Variants in OXR1 observed in about 807,000 individuals in gnomAD.
OXR1 encodes oxidation resistance protein 1.
In OXR1, 41 loss-of-function variants were observed where a neutral mutation model predicts 104.6. The observed-to-expected ratio is 0.39, with a 90% CI of 0.31 to 0.51. The LOEUF (loss-of-function observed/expected upper bound fraction) is 0.51, where lower values mean the gene tolerates loss of function less well. OXR1 is among the 20% of genes least tolerant of loss of function. The probability of loss-of-function intolerance (pLI) is 0.77; values close to 1 mark genes in which losing one functional copy is unlikely to be tolerated. For synonymous variants in OXR1, 348 were observed against 348.4 expected (o/e 1.00, Z 0.01); for missense variants, 955 against 1,031.9 (o/e 0.93, Z 1.02).
chr8:106,556,589 C>A (rs1008826166), intron 3 of OXR1, among the ~76,000 whole-genome samples: 2 of 152,094 alleles, frequency 1.3e-5, no homozygotes, highest in African/African-American at 4.8e-5. Flanking sequence ...ATAGAAAGAT[C>A]TAATTCACAA....
At chr8:106,682,627 G>A (rs1196485445) in intron 4 of OXR1, 2 of 153,962 alleles carry the variant, frequency 1.3e-5, no homozygotes, top group East Asian at 3.8e-4. Flanking sequence ...ATATTATATT[G>A]GCCAAGTGAC....
chr8:106,515,110 G>A (rs924543092), intron 2 of OXR1, among the ~76,000 whole-genome samples: 2 of 152,060 alleles, frequency 1.3e-5, no homozygotes, highest in Non-Finnish European at 2.9e-5. Flanking sequence ...GTGTGTAAGT[G>A]TGCTCTCCTG....
chr8:106,456,429 C>T (rs563574756), intron 2 of OXR1, among the ~76,000 whole-genome samples: 2 of 152,000 alleles, frequency 1.3e-5, no homozygotes, highest in South Asian at 2.1e-4. Flanking sequence ...GGATTATTTA[C>T]GAAATAAAAA....
At chr8:106,390,185 C>T (rs1020232628) in intron 2 of OXR1, among the ~76,000 whole-genome samples, 4 of 152,082 alleles carry the variant, frequency 2.6e-5, no homozygotes, top group African/African-American at 9.7e-5. Flanking sequence ...AAGTAATATA[C>T]ATTCATGTTT....
chr8:106,398,670 ACT>A (rs1257723168), intron 2 of OXR1, among the ~76,000 whole-genome samples: 2 of 152,040 alleles, frequency 1.3e-5, no homozygotes, highest in Non-Finnish European at 2.9e-5. Flanking sequence ...GCCTTCTTTA[ACT>A]CTACTATCTT....
At chr8:106,669,014 A>G (rs1046842300) in intron 3 of OXR1, among the ~76,000 whole-genome samples, 2 of 152,192 alleles carry the variant, frequency 1.3e-5, no homozygotes, top group Non-Finnish European at 2.9e-5. Context: ...GCAAGGCTCT[A>G]TAGCTCTTTA....
intron 2 of OXR1, among the ~76,000 whole-genome samples, chr8:106,435,743 G>C (rs956771871): frequency 6.6e-6 from 1 of 151,910 alleles, no homozygotes; most frequent in Admixed American, 6.6e-5. Flanking sequence ...TTCCTTCTTC[G>C]CCACCATAGC....
At chr8:106,416,370 T>C (rs1818678669) in intron 2 of OXR1, among the ~76,000 whole-genome samples, 1 of 152,120 alleles carries the variant, frequency 6.6e-6, no homozygotes, top group African/African-American at 2.4e-5. Context: ...AATTGGTTGC[T>C]AAATTCTTGA....
intron 3 of OXR1, among the ~76,000 whole-genome samples, chr8:106,651,222 ACCAT>A (rs1463784903): frequency 6.6e-6 from 1 of 152,158 alleles, no homozygotes; most frequent in Non-Finnish European, 1.5e-5. Context: ...TTTGATCTTC[ACCAT>A]CCTGATAGAA....
At chr8:106,334,305 T>C (rs1176292602) in intron 1 of OXR1, among the ~76,000 whole-genome samples, 3 of 152,226 alleles carry the variant, frequency 2.0e-5, no homozygotes, top group Non-Finnish European at 2.9e-5. Context: ...TGTGAATTGA[T>C]CTTGTGTCCT....
intron 1 of OXR1, among the ~76,000 whole-genome samples, chr8:106,351,534 A>G (rs1175076335): frequency 6.6e-6 from 1 of 152,192 alleles, no homozygotes; most frequent in African/African-American, 2.4e-5. Flanking sequence ...AGCTGTGGAG[A>G]CACAGATGCA....
At chr8:106,709,073 C>G (rs1290021646) in intron 9 of OXR1, among the ~76,000 whole-genome samples, 2 of 151,864 alleles carry the variant, frequency 1.3e-5, no homozygotes, top group African/African-American at 4.8e-5. Flanking sequence ...TAATTCAAAA[C>G]TAATGCATGT....
chr8:106,585,100 A>C (rs762238708), intron 3 of OXR1, among the ~76,000 whole-genome samples: 21 of 152,116 alleles, frequency 1.4e-4, no homozygotes, highest in Admixed American at 7.2e-4. Context: ...TTATTCCTTC[A>C]TCATCTCTGC....
At chr8:106,679,759 T>G (rs1212376255) in intron 4 of OXR1, among the ~76,000 whole-genome samples, 1 of 140,578 alleles carries the variant, frequency 7.1e-6, no homozygotes, top group Non-Finnish European at 1.6e-5. Context: ...AACATTGAGC[T>G]TTTTTTTTTT....
chr8:106,672,364 G>A (rs1827103906), intron 3 of OXR1, among the ~76,000 whole-genome samples: 1 of 151,438 alleles, frequency 6.6e-6, no homozygotes, highest in Non-Finnish European at 1.5e-5. Flanking sequence ...GCGTGTGCCT[G>A]TAGTCCCAGC....
chr8:106,717,815 G>A (rs1832415053), intron 11 of OXR1, among the ~76,000 whole-genome samples: 2 of 99,710 alleles, frequency 2.0e-5, no homozygotes, highest in African/African-American at 4.8e-5. Flanking sequence ...TACATCAGTT[G>A]TAGTAAATAT....
chr8:106,575,145 T>C (rs76173617), intron 3 of OXR1, among the ~76,000 whole-genome samples: 7,527 of 152,266 alleles, frequency 0.049, 201 homozygotes, highest in Middle Eastern at 0.099. Context: ...ATATTACTGA[T>C]GTTAGATGCT....
chr8:106,422,345 T>C (rs1394943118), intron 2 of OXR1, among the ~76,000 whole-genome samples: 2 of 152,116 alleles, frequency 1.3e-5, no homozygotes, highest in Non-Finnish European at 2.9e-5. Flanking sequence ...GTGATCCCAA[T>C]GGGAAATAAG....
chr8:106,287,193 C>T (rs1352864183), intron 1 of OXR1, among the ~76,000 whole-genome samples: 1 of 152,044 alleles, frequency 6.6e-6, no homozygotes, highest in African/African-American at 2.4e-5. Flanking sequence ...AAAATAGAGG[C>T]TTATTTCTCA....
Sources: gnomAD v4.1 joint callset for allele counts (sites outside exome capture counted in the v4.1 genomes callset) on GRCh38, gnomAD v4.1.1 for gene constraint, MANE v1.5 for transcripts, NCBI Gene and HGNC (gene_info 2026-07-23, HGNC 2026-07-21) for gene names.